The following CRACD variants were observed in gnomAD, a reference collection of about 807,000 sequenced individuals.
The protein encoded by CRACD is capping protein-inhibiting regulator of actin dynamics.
CRACD carries 56 observed loss-of-function variants against 106.8 expected under a neutral mutation model. The observed-to-expected ratio is 0.52, with a 90% confidence interval of 0.42 to 0.66. The LOEUF (loss-of-function observed/expected upper bound fraction) is 0.66, where lower values mean the gene tolerates loss of function less well. CRACD is among the 30% of genes least tolerant of loss of function. The pLI is 0.00. For synonymous variants in CRACD, 754 were observed against 670.8 expected, an observed-to-expected ratio of 1.12 and a Z score of -1.92; for missense variants, 1,730 against 1,623.2, an observed-to-expected ratio of 1.07 and a Z score of -1.13.
chr4:56,200,464 G>A (rs1377989224), intron 2 of CRACD, among the ~76,000 whole-genome samples: 1 of 152,156 alleles, frequency 6.6e-6, no homozygotes. Context: ...GGCTCTGTAA[G>A]TTGCCATAGG....
chr4:56,251,310 G>T (rs1288973457), intron 2 of CRACD, among the ~76,000 whole-genome samples: 1 of 152,038 alleles, frequency 6.6e-6, no homozygotes, highest in Non-Finnish European at 1.5e-5. Flanking sequence ...TAACTTTTCT[G>T]GTCTCACGTA....
At chr4:56,146,979 G>T (rs991279112) in intron 1 of CRACD, among the ~76,000 whole-genome samples, 8 of 152,298 alleles carry the variant, frequency 5.3e-5, no homozygotes, top group South Asian at 4.1e-4. Context: ...GAAAGAAAAG[G>T]TGTGGGAAAT....
intron 1 of CRACD, among the ~76,000 whole-genome samples, chr4:56,100,339 A>T (rs1456179256): frequency 2.0e-5 from 3 of 152,220 alleles, no homozygotes; most frequent in African/African-American, 4.8e-5. Context: ...TAAATTTAAT[A>T]AATTACTTCA....
At chr4:56,257,526 GAAAA>G (rs533700935) in intron 2 of CRACD, among the ~76,000 whole-genome samples, 1 of 123,018 alleles carries the variant, frequency 8.1e-6, no homozygotes, top group African/African-American at 3.0e-5. Context: ...TGTCTCTACA[GAAAA>G]AAAAAAAAAA....
chr4:56,075,423 T>C (rs867020845), intron 1 of CRACD, among the ~76,000 whole-genome samples: 19 of 152,200 alleles, frequency 1.2e-4, no homozygotes, highest in African/African-American at 4.3e-4. Context: ...TGGGAGGGTG[T>C]ATGTGTCCAG....
intron 2 of CRACD, among the ~76,000 whole-genome samples, chr4:56,257,707 A>G (rs764292240): frequency 2.4e-4 from 36 of 152,234 alleles, no homozygotes; most frequent in South Asian, 6.2e-4. Flanking sequence ...TGGGGGCAAC[A>G]TAGTAGATCT....
At chr4:56,257,345 G>A (rs957935827) in intron 2 of CRACD, among the ~76,000 whole-genome samples, 1 of 151,938 alleles carries the variant, frequency 6.6e-6, no homozygotes, top group African/African-American at 2.4e-5. Flanking sequence ...GCCTCCTAAA[G>A]TGCTGGGATT....
At chr4:56,201,609 A>G (rs919607815) in intron 2 of CRACD, among the ~76,000 whole-genome samples, 2 of 152,190 alleles carry the variant, frequency 1.3e-5, no homozygotes, top group African/African-American at 4.8e-5. Context: ...AGTTTCACAG[A>G]TGGCCAAAAA....
At chr4:56,205,365 G>A (rs1738073999) in intron 2 of CRACD, among the ~76,000 whole-genome samples, 1 of 152,026 alleles carries the variant, frequency 6.6e-6, no homozygotes, top group South Asian at 2.1e-4. Flanking sequence ...TGACCATCTG[G>A]CCTGGTATTC....
intron 1 of CRACD, among the ~76,000 whole-genome samples, chr4:56,136,929 G>A (rs144452895): frequency 3.4e-3 from 517 of 152,164 alleles, no homozygotes; most frequent in Non-Finnish European, 4.6e-3. Context: ...ACTTTTGTGC[G>A]CTGTGTGATG....
chr4:56,136,654 T>G (rs1177633695), intron 1 of CRACD, among the ~76,000 whole-genome samples: 2 of 152,236 alleles, frequency 1.3e-5, no homozygotes, highest in East Asian at 3.8e-4. Context: ...GATACAAGCA[T>G]TTATTGGAAA....
chr4:56,294,730 A>G (rs1039415821), intron 3 of CRACD, among the ~76,000 whole-genome samples: 5 of 152,116 alleles, frequency 3.3e-5, no homozygotes, highest in African/African-American at 1.2e-4. Flanking sequence ...CCTGGCCAAC[A>G]TGGCAAAACC....
chr4:56,076,363 T>C (rs1434767402), intron 1 of CRACD, among the ~76,000 whole-genome samples: 1 of 152,132 alleles, frequency 6.6e-6, no homozygotes, highest in East Asian at 1.9e-4. Context: ...AGGGGTGATA[T>C]AGAAAAAAGG....
intron 3 of CRACD, among the ~76,000 whole-genome samples, chr4:56,287,281 T>C (rs1232744485): frequency 6.6e-6 from 1 of 151,522 alleles, no homozygotes; most frequent in African/African-American, 2.4e-5. Context: ...TGCAGCACTA[T>C]ACTTGGCTAA....
chr4:56,322,378 G>C (rs1280327903), intron 8 of CRACD, among the ~76,000 whole-genome samples: 2 of 152,212 alleles, frequency 1.3e-5, no homozygotes, highest in African/African-American at 4.8e-5. Flanking sequence ...CTCAATTTTA[G>C]AGCCTAGTAC....
chr4:56,173,623 C>T (rs984858004), intron 1 of CRACD, among the ~76,000 whole-genome samples: 5 of 152,208 alleles, frequency 3.3e-5, no homozygotes, highest in Non-Finnish European at 5.9e-5. Context: ...CATAGACATA[C>T]AGTCAAAGCT....
intron 3 of CRACD, among the ~76,000 whole-genome samples, chr4:56,294,712 T>G (rs1305473541): frequency 2.0e-5 from 3 of 152,002 alleles, no homozygotes; most frequent in Non-Finnish European, 4.4e-5. Context: ...CCAGGAGTTC[T>G]ATACCAGCCT....
Position 56,315,356 on chromosome 4 carries a change from C to G in CRACD, c.1854C>G (p.Cys618Trp), listed in dbSNP as rs958009471. 5 of 1,613,556 alleles carry G rather than the reference C, an allele frequency of 3.1e-6. No individual in the cohort carries two copies. The highest frequency in any genetic ancestry group is 4.2e-6 in the Non-Finnish European group (5 of 1,179,924). The change falls in exon 8 of 11, where the codon TGC becomes TGG. Residue 618 changes from cysteine to tryptophan, a missense_variant. By Grantham distance (215) the Cys-to-Trp change is radical. Coordinates refer to ENST00000682029, the MANE Select transcript of CRACD (RefSeq NM_001393381.1). This position sits in a 1 kb window ranked among gnomAD's most constrained non-coding sequence, Gnocchi z 4.1. ...VNLSQIKDTA[C>W]KSLLGLEEKK... ...TGAGCCAGATCAAGGACACCGCGTG[C>G]AAGTCCCTCCTGGGCTTGGAGGAGA...
intron 1 of CRACD, among the ~76,000 whole-genome samples, chr4:56,146,308 A>G (rs1284133881): frequency 1.3e-5 from 2 of 152,042 alleles, no homozygotes; most frequent in African/African-American, 4.8e-5. Context: ...AGTAATATTG[A>G]CAGTCTTTTT....
Sources: gnomAD v4.1 joint callset for allele counts (sites outside exome capture counted in the v4.1 genomes callset) on GRCh38, gnomAD v4.1.1 for gene constraint, Gnocchi (gnomAD v3.1) non-coding constraint, MANE v1.5 for transcripts, NCBI Gene and HGNC (gene_info 2026-07-23, HGNC 2026-07-21) for gene names.